Variants in CDK10 observed in about 807,000 individuals in gnomAD.
The protein encoded by CDK10 is cyclin-dependent kinase 10.
In CDK10, 55 loss-of-function variants were observed where a neutral mutation model predicts 51.0. The ratio of observed to expected loss-of-function variants is 1.08; its 90% CI spans 0.87 to 1.35. The LOEUF (loss-of-function observed/expected upper bound fraction) is 1.35. CDK10 is among the 40% of genes most tolerant of loss of function. The pLI is 0.00. For missense variants in CDK10, 589 were observed against 485.1 expected (o/e 1.21, Z -2.01); for synonymous variants, 255 against 199.1 (o/e 1.28, Z -2.36).
chr16:89,692,878 C>A (rs970355297), intron 6 of CDK10, among the ~76,000 whole-genome samples: 1 of 130,484 alleles, frequency 7.7e-6, no homozygotes, highest in Admixed American at 7.2e-5. Context: ...TGGCTCACGC[C>A]TGTGATCCCA....
Position 89,689,282 on chromosome 16 carries a change from G to A in CDK10, c.118G>A (p.Glu40Lys). 6.2e-7 allele frequency: 1 copy of A among 1,614,138 alleles called. No homozygotes were observed. Among genetic ancestry groups the A allele is most frequent in the South Asian group, 1.1e-5 (1 of 91,080 alleles). ...ACGATGCCGGAGTGTGAAGGAGTTT[G>A]AGAAGCTGAACCGCATTGGAGAGGG... is the stretch of plus-strand genomic sequence containing the variant. The part of the protein sequence containing the change: ...LGRCRSVKEF[E>K]KLNRIGEGTY... Residue 40 changes from glutamate (E) to lysine (K), a missense_variant, in exon 2 of 13, where the codon GAG becomes AAG. Coordinates refer to ENST00000353379, the MANE Select transcript of CDK10 (RefSeq NM_052988.5).
In CDK10 at chr16:89,696,093, C is replaced by G; in HGVS notation, c.*401C>G. ...GAGGGCCCAGAAGACCTTCGTATCC[C>G]CTCTCAGTCGCCCGGGGCTGTCCCG... On this transcript the variant is annotated 3_prime_UTR_variant, in exon 13 of 13. Coordinates refer to ENST00000353379, the MANE Select transcript of CDK10 (RefSeq NM_052988.5). The G allele has an allele frequency of 2.0e-6, 1 of 510,930 alleles. No individual in the cohort carries two copies. Among genetic ancestry groups the G allele is most frequent in the Non-Finnish European group, 3.6e-6 (1 of 279,690 alleles). 31.6% of individuals were successfully genotyped at this position (510,930 alleles called of 1,614,324 possible).
chr16:89,695,481 T>G, intron 12 of CDK10, 114 bp from the exon 13 acceptor site: 1 of 1,463,762 alleles, frequency 6.8e-7, no homozygotes, highest in South Asian at 1.2e-5. Flanking sequence ...CAGGGGCATG[T>G]GGAGGCACAG....
intron 12 of CDK10, 35 bp from the exon 13 acceptor site, chr16:89,695,560 C>A: frequency 6.3e-7 from 1 of 1,577,590 alleles, no homozygotes. Flanking sequence ...ATCTGGGGCC[C>A]TGCCCCGCCC....
rs748993161 is a variant in CDK10 at position 89,686,754 on chromosome 16, G to A, written c.44G>A (p.Cys15Tyr). ...DLECEQIRLK[C>Y]IRKEGFFTVP... Reference sequence around the variant, plus strand: ...GAGTGCGAGCAGATCCGTCTGAAGTGTATTCGTAAGGAGGGCTTCTTCACG... The same window carrying A: ...GAGTGCGAGCAGATCCGTCTGAAGTATATTCGTAAGGAGGGCTTCTTCACG... Residue 15 changes from cysteine (C) to tyrosine (Y), a missense_variant, in exon 1 of 13, where the codon TGT (cysteine) becomes TAT (tyrosine). Physicochemically the swap from Cys to Tyr is radical, Grantham distance 194. Coordinates refer to ENST00000353379, the MANE Select transcript of CDK10 (RefSeq NM_052988.5). The A allele has an allele frequency of 2.5e-6, 4 of 1,612,404 alleles. No homozygotes were observed. Among genetic ancestry groups the A allele is most frequent in the East Asian group, 2.2e-5 (1 of 44,822 alleles).
Position 89,691,885 on chromosome 16 carries a change from C to G in CDK10, c.415C>G (p.Gln139Glu), listed in dbSNP as rs1330075181. 1.2e-6 allele frequency: 2 copies of G among 1,613,734 alleles called. No individual in the cohort carries two copies. The highest frequency in any genetic ancestry group is 1.7e-6 in the Non-Finnish European group (2 of 1,179,830). Residue 139 changes from glutamine to glutamate, a missense_variant and splice_region_variant, in exon 5 of 13, where the codon CAG becomes GAG. Gln to Glu is a conservative substitution (Grantham distance 29). Coordinates refer to ENST00000353379, the MANE Select transcript of CDK10 (RefSeq NM_052988.5). ...ENMPTPFSEA[Q>E]VKCIVLQVLR... ...TATGCCAACACCCTTCTCGGAGGCTCAGGTGCGTGGCAGAGGGGCCTGGGG... is the reference window on the plus strand; with the variant it reads ...TATGCCAACACCCTTCTCGGAGGCTGAGGTGCGTGGCAGAGGGGCCTGGGG...
chr16:89,690,698 T>C (rs2060405725), intron 3 of CDK10, 74 bp downstream of exon 3: 5 of 1,281,120 alleles, frequency 3.9e-6, no homozygotes, highest in Non-Finnish European at 5.7e-6. Flanking sequence ...TGAAGTTTCC[T>C]CAGAGCGACT....
chr16:89,689,216 C>T (rs1022161698), intron 1 of CDK10, 36 bp from the exon 2 acceptor site: 1 of 1,604,486 alleles, frequency 6.2e-7, no homozygotes, highest in African/African-American at 1.3e-5. Flanking sequence ...CCATCAGCTG[C>T]CAAATTTCCA....
chr16:89,693,495 C>G (rs779650988), intron 8 of CDK10, 28 bp downstream of exon 8: 4 of 1,611,004 alleles, frequency 2.5e-6, no homozygotes, highest in South Asian at 2.2e-5. Context: ...ATGGTGGCCC[C>G]TGGGGACCAG....
Position 89,695,723 on chromosome 16 carries a change from C to T in CDK10, c.*31C>T, listed in dbSNP as rs534525549. ...GGCCTGGCACACGCCTGTATTCCCA[C>T]ACCAGGTCTTCCGATCAGTGGTGTC... On this transcript the variant is annotated 3_prime_UTR_variant, in exon 13 of 13. Coordinates refer to ENST00000353379, the MANE Select transcript of CDK10 (RefSeq NM_052988.5). 22 of 1,591,454 alleles carry T rather than the reference C, an allele frequency of 1.4e-5. No individual in the cohort carries two copies. The African/African-American group carries it at 1.6e-4, about 12-fold the overall frequency.
At chr16:89,690,274 A>G (rs949233348) in intron 2 of CDK10, 20 of 492,650 alleles carry the variant, frequency 4.1e-5, no homozygotes, top group African/African-American at 2.9e-4. Context: ...TAAGGAGGAC[A>G]TGGAGAGCCT....
chr16:89,693,850 AAT>A lies in CDK10; in HGVS notation c.609-320_609-319del, dbSNP rs1415998348. On this transcript the variant is annotated intron_variant, in intron 8 of 12. Transcript: ENST00000353379. ...ACAGGGTCATGCTTAGCCAGGGCTGAATATCAGAGTTGGTCAGAATCAGGTCA... is the reference window on the plus strand; with the variant it reads ...ACAGGGTCATGCTTAGCCAGGGCTGAATCAGAGTTGGTCAGAATCAGGTCA... 4 of 555,618 alleles carry A rather than the reference AAT, an allele frequency of 7.2e-6. No homozygotes were observed. In the African/African-American group the frequency reaches 7.5e-5, roughly 10 times the overall value. 34.4% of individuals were successfully genotyped at this position (555,618 alleles called of 1,614,324 possible).
chr16:89,692,442 T>C lies in CDK10; in HGVS notation c.418-7T>C, dbSNP rs1353383801. The stretch of plus-strand genomic sequence containing the variant: ...ACCCTGACTGGTACCTCTGACCCTC[T>C]GCACAGGTCAAGTGCATCGTGCTGC... On this transcript the variant is annotated splice_region_variant and splice_polypyrimidine_tract_variant and intron_variant, in intron 5 of 12. Coordinates refer to ENST00000353379, the MANE Select transcript of CDK10 (RefSeq NM_052988.5). The C allele has an allele frequency of 6.4e-7, 1 of 1,574,438 alleles. No individual in the cohort carries two copies. The highest frequency in any genetic ancestry group is 1.2e-5 in the South Asian group (1 of 85,756).
chr16:89,692,825 G>A, intron 6 of CDK10: 1 of 233,292 alleles, frequency 4.3e-6, no homozygotes, highest in Non-Finnish European at 8.4e-6. Context: ...GCATGTAAGA[G>A]TTAATGAAAA....
Position 89,694,208 on chromosome 16 carries a change from C to T in CDK10, c.644C>T (p.Thr215Met), listed in dbSNP as rs772201457. ...RAPELLLGTTTQTTSIDMWAV... is the reference protein window; with the variant it reads ...RAPELLLGTTMQTTSIDMWAV... Reference sequence around the variant, plus strand: ...CCTGAACTGCTGTTGGGAACCACCACGCAGACCACCAGCATCGACATGTGG... The same window carrying T: ...CCTGAACTGCTGTTGGGAACCACCATGCAGACCACCAGCATCGACATGTGG... Residue 215 changes from threonine to methionine, a missense_variant, in exon 9 of 13, where the codon ACG (threonine) becomes ATG (methionine). Coordinates refer to ENST00000353379, the MANE Select transcript of CDK10 (RefSeq NM_052988.5). 11 of 1,613,904 alleles carry T rather than the reference C, an allele frequency of 6.8e-6. No homozygotes were observed. Among genetic ancestry groups the T allele is most frequent in the South Asian group, 3.3e-5 (3 of 91,082 alleles).
intron 10 of CDK10, 26 bp downstream of exon 10, chr16:89,694,814 C>G: frequency 8.3e-7 from 1 of 1,206,580 alleles, no homozygotes; most frequent in Non-Finnish European, 1.1e-6. Flanking sequence ...AGACCCGCAG[C>G]CCCCGCCCGT....
chr16:89,689,368 T>G lies in CDK10; in HGVS notation c.160+44T>G, dbSNP rs1187198612. 1.9e-6 allele frequency: 3 copies of G among 1,563,802 alleles called. No individual in the cohort carries two copies. The African/African-American group carries it at 4.1e-5, about 21-fold the overall frequency. ...GACATGTGGCCGCAGCTCGTGGCTG[T>G]GACAGTGTGGGACGAGACTGTCGAA... On this transcript the variant is annotated intron_variant, in intron 2 of 12. Transcript: ENST00000353379.
Position 89,695,919 on chromosome 16 carries a change from G to A in CDK10, c.*227G>A, listed in dbSNP as rs1476788802. 5 of 904,118 alleles carry A rather than the reference G, an allele frequency of 5.5e-6. No homozygotes were observed. The highest frequency in any genetic ancestry group is 8.5e-6 in the Non-Finnish European group (5 of 586,178). 56.0% of individuals were successfully genotyped at this position (904,118 alleles called of 1,614,324 possible). A position where few individuals can be genotyped will look rare whatever the true frequency, so the allele number is the denominator to read the frequency against. On this transcript the variant is annotated 3_prime_UTR_variant, in exon 13 of 13. Transcript: ENST00000353379. ...CTCCCAGCCCGTGCACCCTGGAAGG[G>A]CAGGTCTGGCGGCTCCATCCGTGGC...
At chr16:89,692,570 T>G in intron 6 of CDK10, 54 bp downstream of exon 6, 4 of 1,330,078 alleles carry the variant, frequency 3.0e-6, no homozygotes, top group Admixed American at 2.1e-5. Flanking sequence ...GGCCTAACTC[T>G]GCTGCCCCTG....
Sources: gnomAD v4.1 joint callset for allele counts (sites outside exome capture counted in the v4.1 genomes callset) on GRCh38, gnomAD v4.1.1 for gene constraint, MANE v1.5 for transcripts, NCBI Gene and HGNC (gene_info 2026-07-23, HGNC 2026-07-21) for gene names.